DYNLT2: variants seen among roughly 807,000 people sequenced by gnomAD.
DYNLT2 encodes the protein dynein light chain Tctex-type 2.
A neutral mutation model predicts 24.3 loss-of-function variants in DYNLT2; 24 were observed. The ratio of observed to expected loss-of-function variants is 0.99; its 90% CI spans 0.71 to 1.39. The LOEUF (loss-of-function observed/expected upper bound fraction) is 1.39, where lower values mean the gene tolerates loss of function less well. Among genes scored for constraint, DYNLT2 ranks in the 40% most tolerant of loss-of-function variants. DYNLT2 has a pLI of 0.00. For missense variants in DYNLT2, 246 were observed against 234.5 expected (o/e 1.05, Z -0.32); for synonymous variants, 85 against 85.4 (o/e 1.00, Z 0.03).
At chr6:169,750,934 T>A (rs1790005587) in intron 1 of DYNLT2, 1 of 156,264 alleles carries the variant, frequency 6.4e-6, no homozygotes, top group East Asian at 1.9e-4. Flanking sequence ...ATTATTTTTT[T>A]AATACAACAC....
the DYNLT2 span, among the ~76,000 whole-genome samples, chr6:169,732,243 C>A: frequency 6.6e-6 from 1 of 151,556 alleles, no homozygotes; most frequent in Admixed American, 6.6e-5. Flanking sequence ...TATATAGTTG[C>A]CAGAAGGAAA....
At chr6:169,725,409 T>A in the DYNLT2 span, 1 of 397,942 alleles carries the variant, frequency 2.5e-6, no homozygotes, top group Non-Finnish European at 4.4e-6. Flanking sequence ...CAGTCCAGCC[T>A]GACTCACTTG....
the DYNLT2 span, among the ~76,000 whole-genome samples, chr6:169,727,556 G>GT: frequency 7.0e-6 from 1 of 142,622 alleles, no homozygotes; most frequent in Non-Finnish European, 1.5e-5. Flanking sequence ...TTGAAGGTTT[G>GT]TTTTTTTGTT....
intron 3 of DYNLT2, among the ~76,000 whole-genome samples, chr6:169,741,525 G>A (rs1789679044): frequency 6.6e-6 from 1 of 152,132 alleles, no homozygotes; most frequent in Admixed American, 6.5e-5. Flanking sequence ...GCAAATACAT[G>A]GCTGTTGTTA....
At chr6:169,745,761 T>G (rs1271829198) in intron 1 of DYNLT2, among the ~76,000 whole-genome samples, 1 of 152,208 alleles carries the variant, frequency 6.6e-6, no homozygotes, top group East Asian at 1.9e-4. Flanking sequence ...TTGTCTGCCT[T>G]TGGTATTAGG....
At chr6:169,750,912 C>G (rs1790003762) in intron 1 of DYNLT2, 1 of 154,122 alleles carries the variant, frequency 6.5e-6, no homozygotes, top group African/African-American at 2.4e-5. Flanking sequence ...ACTATTCTGC[C>G]TGGTTTATCA....
chr6:169,751,284 T>A (rs571826876), intron 1 of DYNLT2, 55 bp downstream of exon 1: 11 of 1,566,672 alleles, frequency 7.0e-6, no homozygotes, highest in Middle Eastern at 1.7e-4. Context: ...GGGAGCGATT[T>A]CACTTAAACG....
rs372199180 is a variant in DYNLT2, at chr6:169,751,482, C to A, written c.-24G>T. The A allele has an allele frequency of 1.4e-5, 22 of 1,612,260 alleles. No individual in the cohort carries two copies. Among genetic ancestry groups the A allele is most frequent in the African/African-American group, 1.1e-4 (8 of 74,910 alleles). On this transcript the variant is annotated 5_prime_UTR_variant, in exon 1 of 4. Coordinates refer to ENST00000366774, the MANE Select transcript of DYNLT2 (RefSeq NM_174910.3). ...ATCTCGCTCTGTTCTCCAAGACGCCCACCGCCTCCCCTTCACCGCCGGCGG... is the reference window on the plus strand; with the variant it reads ...ATCTCGCTCTGTTCTCCAAGACGCCAACCGCCTCCCCTTCACCGCCGGCGG...
At chr6:169,727,339 A>C in the DYNLT2 span, among the ~76,000 whole-genome samples, 2 of 152,224 alleles carry the variant, frequency 1.3e-5, no homozygotes, top group Non-Finnish European at 2.9e-5. Flanking sequence ...AGACATTAGC[A>C]CATGTTGGTA....
chr6:169,743,291 T>C, intron 2 of DYNLT2, 53 bp from the exon 3 acceptor site: 3 of 1,158,714 alleles, frequency 2.6e-6, no homozygotes, highest in Non-Finnish European at 3.5e-6. Flanking sequence ...ATATTTTCTA[T>C]ATAAAAATTC....
chr6:169,736,668 T>G (rs1376132916), downstream of DYNLT2, among the ~76,000 whole-genome samples: 3 of 152,332 alleles, frequency 2.0e-5, no homozygotes, highest in South Asian at 4.1e-4. Context: ...TTATAGAGTT[T>G]CTGTGAGATG....
At chr6:169,750,826 T>C (rs538477034) in intron 1 of DYNLT2, 14 of 152,506 alleles carry the variant, frequency 9.2e-5, no homozygotes, top group African/African-American at 3.4e-4. Flanking sequence ...ACAGGGTATT[T>C]TCAACTTAAG....
intron 1 of DYNLT2, among the ~76,000 whole-genome samples, chr6:169,746,416 G>C (rs779065204): frequency 1.3e-5 from 2 of 151,746 alleles, no homozygotes; most frequent in Non-Finnish European, 2.9e-5. Context: ...ACAAATTTTG[G>C]TATGTTTTCA....
At chr6:169,727,652 C>T in the DYNLT2 span, among the ~76,000 whole-genome samples, 1 of 152,104 alleles carries the variant, frequency 6.6e-6, no homozygotes, top group Non-Finnish European at 1.5e-5. Flanking sequence ...CAAGCTCCAC[C>T]TCCTGGGTTC....
At chr6:169,733,462 A>G in the DYNLT2 span, among the ~76,000 whole-genome samples, 1 of 152,142 alleles carries the variant, frequency 6.6e-6, no homozygotes, top group Admixed American at 6.5e-5. Context: ...TACTTCTTGT[A>G]TAAGGTGTAA....
At chr6:169,731,272 C>CA in the DYNLT2 span, among the ~76,000 whole-genome samples, 13 of 152,060 alleles carry the variant, frequency 8.5e-5, no homozygotes, top group Non-Finnish European at 1.8e-4. Flanking sequence ...CAGAAAATAG[C>CA]AGAGTATTAC....
Position 169,740,221 on chromosome 6 carries a change from C to A in DYNLT2, c.561G>T (p.Val187=), listed in dbSNP as rs1266054013. The part of the protein sequence containing the change: ...VAAKHEAESY[V]ALVLVFALYY... ...AAAGGGCAAACACCAAGACCAGTGC[C>A]ACGTAGGATTCTGCTTCGTGTTTAG... Residue 187 remains valine, a synonymous_variant, in exon 4 of 4, where the codon GTG becomes GTT. Coordinates refer to ENST00000366774, the MANE Select transcript of DYNLT2 (RefSeq NM_174910.3). 1 of 1,613,932 alleles carries A rather than the reference C, an allele frequency of 6.2e-7. No individual in the cohort carries two copies. Among genetic ancestry groups the A allele is most frequent in the Admixed American group, 1.7e-5 (1 of 60,010 alleles).
the DYNLT2 span, among the ~76,000 whole-genome samples, chr6:169,728,903 C>T: frequency 6.6e-6 from 1 of 152,178 alleles, no homozygotes; most frequent in Non-Finnish European, 1.5e-5. Context: ...GAACTATTCT[C>T]AGGAATTCTT....
chr6:169,747,960 T>C (rs1320863594), intron 1 of DYNLT2, among the ~76,000 whole-genome samples: 2 of 152,242 alleles, frequency 1.3e-5, no homozygotes, highest in Non-Finnish European at 2.9e-5. Flanking sequence ...GCCTTGCTTC[T>C]CAACCTTGAT....
Sources: gnomAD v4.1 joint callset for allele counts (sites outside exome capture counted in the v4.1 genomes callset) on GRCh38, gnomAD v4.1.1 for gene constraint, MANE v1.5 for transcripts, NCBI Gene and HGNC (gene_info 2026-07-23, HGNC 2026-07-21) for gene names.